Variants in NSUN3 observed in about 807,000 individuals in gnomAD.
NSUN3 encodes tRNA (cytosine(34)-C(5))-methyltransferase, mitochondrial.
In NSUN3, 24 loss-of-function variants were observed where a neutral mutation model predicts 36.8. That is an observed-to-expected ratio of 0.65 (90% CI 0.47 to 0.92). The LOEUF (loss-of-function observed/expected upper bound fraction) is 0.92. NSUN3 is among the 40% of genes least tolerant of loss of function. The pLI, the probability that NSUN3 is intolerant of heterozygous loss-of-function variation, is 0.00. For missense variants in NSUN3, 381 were observed against 392.8 expected (o/e 0.97, Z 0.25); for synonymous variants, 146 against 145.2 (o/e 1.01, Z -0.04).
chr3:94,077,080 T>A (rs1233541509), intron 2 of NSUN3: 1 of 785,658 alleles, frequency 1.3e-6, no homozygotes, highest in African/African-American at 1.7e-5. Context: ...CACCAAATCA[T>A]AAAGAAAAGG....
At chr3:94,092,918 T>TTAA (rs2077321532) in intron 3 of NSUN3, among the ~76,000 whole-genome samples, 1 of 12,994 alleles carries the variant, frequency 7.7e-5, no homozygotes, top group Non-Finnish European at 1.3e-4. Flanking sequence ...AGACTGCATC[T>TTAA]CAAAAAAAAA....
chr3:94,110,023 A>G (rs899743500), intron 5 of NSUN3, among the ~76,000 whole-genome samples: 7 of 152,118 alleles, frequency 4.6e-5, no homozygotes, highest in African/African-American at 1.7e-4. Context: ...TTCTCTCAGC[A>G]TAGTATTTTT....
chr3:94,108,139 A>G (rs2077398629), intron 5 of NSUN3, among the ~76,000 whole-genome samples: 1 of 152,048 alleles, frequency 6.6e-6, no homozygotes, highest in Non-Finnish European at 1.5e-5. Context: ...TAAGAATAGT[A>G]CAAGGAGCTC....
chr3:94,106,022 A>G (rs559216383), intron 5 of NSUN3, among the ~76,000 whole-genome samples: 6 of 152,094 alleles, frequency 3.9e-5, no homozygotes, highest in African/African-American at 1.2e-4. Context: ...CCTTATGTTC[A>G]ATTTTAGTGG....
intron 4 of NSUN3, among the ~76,000 whole-genome samples, chr3:94,094,822 A>G (rs993663730): frequency 3.9e-5 from 6 of 152,208 alleles, no homozygotes; most frequent in African/African-American, 1.4e-4. Context: ...CCAAAAACAA[A>G]CACTGAAAGT....
At chr3:94,114,867 G>A (rs1314533611) in intron 5 of NSUN3, among the ~76,000 whole-genome samples, 4 of 152,048 alleles carry the variant, frequency 2.6e-5, no homozygotes, top group Non-Finnish European at 1.5e-5. Context: ...TGTGATACTT[G>A]GTTTTCTGTC....
At chr3:94,098,616 A>T (rs1373539495) in intron 5 of NSUN3, among the ~76,000 whole-genome samples, 1 of 152,102 alleles carries the variant, frequency 6.6e-6, no homozygotes, top group Non-Finnish European at 1.5e-5. Flanking sequence ...GCCCCTTCTT[A>T]CTTCAGCAAC....
At chr3:94,104,376 T>C (rs1287838951) in intron 5 of NSUN3, among the ~76,000 whole-genome samples, 1 of 152,198 alleles carries the variant, frequency 6.6e-6, no homozygotes, top group Non-Finnish European at 1.5e-5. Flanking sequence ...ATAAGGTCTC[T>C]GGTCTGTGTG....
intron 2 of NSUN3, among the ~76,000 whole-genome samples, chr3:94,078,536 G>C (rs553869157): frequency 9.9e-5 from 15 of 152,132 alleles, no homozygotes; most frequent in Non-Finnish European, 2.1e-4. Context: ...TGACAGCGGG[G>C]TGTTAAAGTC....
intron 2 of NSUN3, chr3:94,076,705 T>C: frequency 7.7e-7 from 1 of 1,297,790 alleles, no homozygotes; most frequent in East Asian, 2.3e-5. Flanking sequence ...GTTTAGGATG[T>C]TTTGTATAGT....
intron 5 of NSUN3, among the ~76,000 whole-genome samples, chr3:94,115,553 C>A (rs891142121): frequency 1.3e-5 from 2 of 152,062 alleles, no homozygotes; most frequent in Non-Finnish European, 2.9e-5. Flanking sequence ...GGCGAGACAG[C>A]GATTGTGACT....
chr3:94,099,099 GCA>G (rs2077354744), intron 5 of NSUN3, among the ~76,000 whole-genome samples: 1 of 152,114 alleles, frequency 6.6e-6, no homozygotes, highest in African/African-American at 2.4e-5. Context: ...TAAATTGATA[GCA>G]CAGTTAATCT....
intron 2 of NSUN3, among the ~76,000 whole-genome samples, chr3:94,073,861 T>C (rs1207530246): frequency 6.6e-6 from 1 of 152,214 alleles, no homozygotes; most frequent in Non-Finnish European, 1.5e-5. Context: ...GTTTTAGACA[T>C]GAAGTCTTTG....
intron 5 of NSUN3, among the ~76,000 whole-genome samples, chr3:94,121,932 G>A (rs961887224): frequency 3.9e-5 from 6 of 151,948 alleles, no homozygotes; most frequent in African/African-American, 1.2e-4. Context: ...ATCACCTGAG[G>A]TCAGGAGTTT....
chr3:94,067,066 G>A (rs2077206567), intron 2 of NSUN3, among the ~76,000 whole-genome samples: 1 of 152,090 alleles, frequency 6.6e-6, no homozygotes, highest in Non-Finnish European at 1.5e-5. Flanking sequence ...TTGAGGCCTG[G>A]GGACCACAGG....
At chr3:94,098,420 A>G (rs2077352164) in intron 5 of NSUN3, among the ~76,000 whole-genome samples, 1 of 152,190 alleles carries the variant, frequency 6.6e-6, no homozygotes, top group Non-Finnish European at 1.5e-5. Flanking sequence ...ATCTCGTGTC[A>G]ATTATCCTTC....
In NSUN3 at chr3:94,126,505, CTG is replaced by C. The variant is rs779189232; in HGVS notation, c.*19_*20del. The C allele has an allele frequency of 1.2e-6, 2 of 1,600,148 alleles. No individual in the cohort carries two copies. Among genetic ancestry groups the C allele is most frequent in the Non-Finnish European group, 1.7e-6 (2 of 1,169,338 alleles). Reference sequence around the variant, plus strand: ...GAAAATGGTGACATGAATTTGTAAACTGTGTTTATGTGTTATTATATTTATAT... The same window carrying C: ...GAAAATGGTGACATGAATTTGTAAACTGTTTATGTGTTATTATATTTATAT... On this transcript the variant is annotated 3_prime_UTR_variant, in exon 6 of 6. Coordinates refer to ENST00000314622, the MANE Select transcript of NSUN3 (RefSeq NM_022072.5).
chr3:94,104,159 A>G (rs1257988214), intron 5 of NSUN3, among the ~76,000 whole-genome samples: 1 of 152,158 alleles, frequency 6.6e-6, no homozygotes, highest in Non-Finnish European at 1.5e-5. Context: ...ATGTTGTGAC[A>G]TAACCTAAAT....
At chr3:94,104,188 C>A (rs116180999) in intron 5 of NSUN3, among the ~76,000 whole-genome samples, 1 of 152,044 alleles carries the variant, frequency 6.6e-6, no homozygotes, top group Non-Finnish European at 1.5e-5. Flanking sequence ...TTGTGTGAGG[C>A]GACCTGTGAA....
Sources: allele counts gnomAD v4.1 joint callset (sites outside exome capture counted in the v4.1 genomes callset), GRCh38; gene constraint gnomAD v4.1.1; transcripts MANE v1.5; gene names NCBI Gene and HGNC (gene_info 2026-07-23, HGNC 2026-07-21).